The following ARMH4 variants were observed in gnomAD, a reference collection of about 807,000 sequenced individuals.
ARMH4 encodes the protein armadillo-like helical domain-containing protein 4.
In ARMH4, 49 loss-of-function variants were observed where a neutral mutation model predicts 61.9. The observed-to-expected ratio is 0.79, with a 90% CI of 0.63 to 1.00. ARMH4 has a LOEUF of 1.00. Ranked by LOEUF, ARMH4 falls within the 50% of genes least tolerant of loss-of-function variation. The pLI is 0.00. For synonymous variants in ARMH4, 368 were observed against 341.5 expected, an observed-to-expected ratio of 1.08 and a Z score of -0.85; for missense variants, 934 against 930.0, an observed-to-expected ratio of 1.00 and a Z score of -0.06.
At chr14:58,105,558 A>C (rs1420951781) in intron 4 of ARMH4, among the ~76,000 whole-genome samples, 1 of 151,982 alleles carries the variant, frequency 6.6e-6, no homozygotes, top group Admixed American at 6.6e-5. Flanking sequence ...ATGGTGGCAC[A>C]TGCCTGTAGT....
intron 5 of ARMH4, among the ~76,000 whole-genome samples, chr14:58,031,498 A>G (rs558830572): frequency 2.6e-5 from 4 of 152,312 alleles, no homozygotes; most frequent in African/African-American, 9.6e-5. Flanking sequence ...GCAGCAAGTT[A>G]CAAATGTACA....
chr14:58,041,804 G>C (rs147632448), intron 5 of ARMH4, among the ~76,000 whole-genome samples: 1 of 151,652 alleles, frequency 6.6e-6, no homozygotes, highest in Non-Finnish European at 1.5e-5. Context: ...TCCTAGTCTC[G>C]GATAAAACAG....
intron 5 of ARMH4, among the ~76,000 whole-genome samples, chr14:58,058,396 T>C (rs1460134451): frequency 6.6e-6 from 1 of 152,176 alleles, no homozygotes; most frequent in Non-Finnish European, 1.5e-5. Flanking sequence ...GGCAACTCCA[T>C]AGGCAGAGCA....
intron 5 of ARMH4, among the ~76,000 whole-genome samples, chr14:58,084,825 T>C (rs1885331252): frequency 6.6e-6 from 1 of 152,222 alleles, no homozygotes; most frequent in Non-Finnish European, 1.5e-5. Context: ...CATATAGCTA[T>C]ATTTTGTGCC....
At chr14:58,008,332 G>A (rs1882263110) in intron 6 of ARMH4, among the ~76,000 whole-genome samples, 1 of 152,150 alleles carries the variant, frequency 6.6e-6, no homozygotes, top group South Asian at 2.1e-4. Context: ...AGGTAAAGGT[G>A]TAGGAATGTT....
In ARMH4 at chr14:58,139,046, G is replaced by T; in HGVS notation, c.313C>A (p.Gln105Lys). The T allele has an allele frequency of 6.2e-7, 1 of 1,614,222 alleles. No homozygotes were observed. The highest frequency in any genetic ancestry group is 8.5e-7 in the Non-Finnish European group (1 of 1,180,032). The change falls in exon 2 of 8, where the codon CAA becomes AAA. Residue 105 changes from glutamine (Q) to lysine (K), a missense_variant. By Grantham distance (53) the Gln-to-Lys change is moderately conservative. Transcript: ENST00000267485. ...GTGGAAACACCAGGGCGTTCTGTTTGCATGAGCCCAGCTTGTCCAGGCTGG... is the reference window on the plus strand; with the variant it reads ...GTGGAAACACCAGGGCGTTCTGTTTTCATGAGCCCAGCTTGTCCAGGCTGG... The part of the protein sequence containing the change: ...ETQPGQAGLM[Q>K]TERPGVSTPT...
chr14:58,139,738 A>G (rs761226224), intron 1 of ARMH4, among the ~76,000 whole-genome samples: 8 of 152,242 alleles, frequency 5.3e-5, no homozygotes, highest in Non-Finnish European at 8.8e-5. Context: ...AAATTCCTCT[A>G]TTAACCATGT....
intron 4 of ARMH4, among the ~76,000 whole-genome samples, chr14:58,107,781 A>T (rs1016917957): frequency 6.6e-6 from 1 of 151,800 alleles, no homozygotes; most frequent in South Asian, 2.1e-4. Flanking sequence ...AAAAAAAAAA[A>T]AAAATTAGCC....
intron 5 of ARMH4, among the ~76,000 whole-genome samples, chr14:58,030,508 T>C (rs68075785): frequency 6.6e-6 from 1 of 152,190 alleles, no homozygotes; most frequent in African/African-American, 2.4e-5. Context: ...CATTTTCAAG[T>C]ATGTAATTCA....
At chr14:58,068,874 G>A (rs1884789610) in intron 5 of ARMH4, among the ~76,000 whole-genome samples, 1 of 151,976 alleles carries the variant, frequency 6.6e-6, no homozygotes, top group Non-Finnish European at 1.5e-5. Flanking sequence ...TGGCATGGTG[G>A]TGCGCACCTG....
At chr14:58,130,195 C>T (rs953826883) in intron 4 of ARMH4, among the ~76,000 whole-genome samples, 1 of 152,182 alleles carries the variant, frequency 6.6e-6, no homozygotes, top group African/African-American at 2.4e-5. Flanking sequence ...ACGCTAAACT[C>T]AAAGTCATAC....
At chr14:58,065,103 G>T (rs190405097) in intron 5 of ARMH4, among the ~76,000 whole-genome samples, 1 of 152,148 alleles carries the variant, frequency 6.6e-6, no homozygotes, top group Non-Finnish European at 1.5e-5. Flanking sequence ...TTAGCCGGGC[G>T]TGTTGGTGGA....
chr14:58,117,945 A>T (rs1886586832), intron 4 of ARMH4, among the ~76,000 whole-genome samples: 1 of 151,350 alleles, frequency 6.6e-6, no homozygotes. Flanking sequence ...AAAAAAATTT[A>T]TACAGGTGGA....
At chr14:58,039,949 TC>T (rs1883628924) in intron 5 of ARMH4, among the ~76,000 whole-genome samples, 1 of 152,074 alleles carries the variant, frequency 6.6e-6, no homozygotes, top group Non-Finnish European at 1.5e-5. Flanking sequence ...CCTTCCCTAC[TC>T]TCCACTCCTT....
rs554216702 is a variant in ARMH4 at position 58,127,319 on chromosome 14, C to T, written c.1831+4193G>A. ...CTGAATCATGGGGGTGGGTCTTTCC[C>T]ATGCTGTTCTCATGACAGTGAATAA... On this transcript the variant is annotated intron_variant, in intron 4 of 7. Coordinates refer to ENST00000267485, the MANE Select transcript of ARMH4 (RefSeq NM_001001872.4). 5.8e-4 allele frequency among the ~76,000 whole-genome samples: 89 copies of T among 152,182 alleles called. No individual in the cohort carries two copies. In the South Asian group the frequency reaches 0.017, roughly 28 times the overall value.
At chr14:58,044,159 C>G (rs1423199384) in intron 5 of ARMH4, among the ~76,000 whole-genome samples, 3 of 152,126 alleles carry the variant, frequency 2.0e-5, no homozygotes, top group South Asian at 2.1e-4. Flanking sequence ...ATTGCCAAAT[C>G]AATCCTAAGC....
chr14:58,104,775 C>G (rs1039718905), intron 4 of ARMH4, among the ~76,000 whole-genome samples: 17 of 152,184 alleles, frequency 1.1e-4, no homozygotes, highest in African/African-American at 3.9e-4. Flanking sequence ...GGTATATCAC[C>G]AATGACTAAT....
intron 1 of ARMH4, among the ~76,000 whole-genome samples, chr14:58,150,392 ACAC>A (rs1160202390): frequency 3.9e-5 from 6 of 152,250 alleles, no homozygotes. Flanking sequence ...ACAATTCCAT[ACAC>A]CACTTTTCAG....
At chr14:58,127,244 G>A (rs1886924810) in intron 4 of ARMH4, among the ~76,000 whole-genome samples, 2 of 152,270 alleles carry the variant, frequency 1.3e-5, no homozygotes, top group Middle Eastern at 6.8e-3. Context: ...ATCTTGAATT[G>A]TAGCTCCCAT....
Sources: gnomAD v4.1 joint callset for allele counts (sites outside exome capture counted in the v4.1 genomes callset) on GRCh38, gnomAD v4.1.1 for gene constraint, MANE v1.5 for transcripts, NCBI Gene and HGNC (gene_info 2026-07-23, HGNC 2026-07-21) for gene names.